Variants in PGK1 observed in about 807,000 individuals in gnomAD.
PGK1 encodes the protein PRP 2.
Under a neutral mutation model 26.9 loss-of-function variants are expected in PGK1, and 3 were observed. That is an observed-to-expected ratio of 0.11 (90% CI 0.05 to 0.29). The LOEUF (loss-of-function observed/expected upper bound fraction) is 0.29. Among genes scored for constraint, PGK1 ranks in the 10% least tolerant of loss-of-function variants. PGK1 has a pLI of 1.00. For missense variants in PGK1, 270 were observed against 314.7 expected (o/e 0.86, Z 1.07); for synonymous variants, 125 against 115.3 (o/e 1.08, Z -0.54).
rs782775105 is a variant in PGK1, at chrX:78,127,537, G to A, written c.*1707G>A. On this transcript the variant is annotated 3_prime_UTR_variant, in exon 11 of 11. Coordinates refer to ENST00000373316, the MANE Select transcript of PGK1 (RefSeq NM_000291.4). ...ACTTTTGGACAGGACCACAGAGCTA[G>A]TAAGTAACAGCAGGGATTCAAGTCC... 2 of 111,936 alleles carry A rather than the reference G, an allele frequency of 1.8e-5. No individual in the cohort carries two copies. Among genetic ancestry groups the A allele is most frequent in the African/African-American group, 6.5e-5 (2 of 30,790 alleles). The allele number at this position is 111,936 out of a possible 1,213,427, so 9.2% of individuals were successfully genotyped here.
intron 4 of PGK1, among the ~76,000 whole-genome samples, chrX:78,115,311 T>C (rs993445492): frequency 9.0e-6 from 1 of 111,254 alleles, no homozygotes; most frequent in Non-Finnish European, 1.9e-5. Flanking sequence ...CACTATCTAA[T>C]GGCTTTTAAT....
chrX:78,123,433 T>C, intron 8 of PGK1, 59 bp downstream of exon 8: 1 of 897,512 alleles, frequency 1.1e-6, no homozygotes, highest in Non-Finnish European at 1.6e-6. Flanking sequence ...GTGTCATTTA[T>C]TCATTGATTC....
At chrX:78,120,491 A>G (rs1398952716) in intron 6 of PGK1, among the ~76,000 whole-genome samples, 2 of 109,936 alleles carry the variant, frequency 1.8e-5, no homozygotes, top group African/African-American at 3.3e-5. Context: ...ATCTAGATCT[A>G]TATATAGATT....
intron 4 of PGK1, among the ~76,000 whole-genome samples, chrX:78,115,481 C>T (rs782388173): frequency 9.1e-6 from 1 of 110,380 alleles, no homozygotes; most frequent in African/African-American, 3.3e-5. Flanking sequence ...CATGGTGAAA[C>T]CCTGTTTCTA....
At chrX:78,121,351 T>A (rs1362920738) in intron 6 of PGK1, among the ~76,000 whole-genome samples, 1 of 112,588 alleles carries the variant, frequency 8.9e-6, no homozygotes, top group Non-Finnish European at 1.9e-5. Context: ...TAAGCTATTC[T>A]TTAGAAGAAA....
chrX:78,106,087 G>A (rs1394715089), intron 1 of PGK1, among the ~76,000 whole-genome samples: 5 of 111,798 alleles, frequency 4.5e-5, no homozygotes, highest in Non-Finnish European at 9.4e-5. Flanking sequence ...AGGGAAACTG[G>A]CTTGAGGAAG....
rs1280758488 is a variant in PGK1, at chrX:78,114,247, TTTAAC to T, written c.417+91_417+95del. ...TGAAGAATAGAGAAAGCTCATTTAT[TTTAAC>T]TTAGACACCTTTTATTGAAGCATAC... On this transcript the variant is annotated intron_variant, in intron 4 of 10. Coordinates refer to ENST00000373316, the MANE Select transcript of PGK1 (RefSeq NM_000291.4). 8 of 952,353 alleles carry T rather than the reference TTTAAC, an allele frequency of 8.4e-6. No homozygotes were observed. In the Admixed American group the frequency reaches 1.1e-4, roughly 13 times the overall value. The allele number at this position is 952,353 out of a possible 1,213,427, so 78.5% of individuals were successfully genotyped here. A position where few individuals can be genotyped will look rare whatever the true frequency, so the allele number is the denominator to read the frequency against.
Position 78,107,100 on chromosome X carries a change from A to G in PGK1, c.65+2695A>G, listed in dbSNP as rs372240482. Among the ~76,000 whole-genome samples the G allele has an allele frequency of 3.6e-5, 4 of 111,457 alleles. No homozygotes were observed. In the South Asian group the frequency reaches 1.5e-3, roughly 42 times the overall value. ...TGAGATTTCAGGTGATAGAGACTTG[A>G]TATTCTTATTCCAGCTAAATCAGTA... On this transcript the variant is annotated intron_variant, in intron 1 of 10. Transcript: ENST00000373316.
At chrX:78,118,601 T>TAAATAAATAAAC (rs1272522622) in intron 6 of PGK1, among the ~76,000 whole-genome samples, 6 of 109,007 alleles carry the variant, frequency 5.5e-5, no homozygotes, top group African/African-American at 2.0e-4. Flanking sequence ...AATAAATAAA[T>TAAATAAATAAAC]AAACAAACAA....
rs1009700209 is a variant in PGK1, at chrX:78,106,342, G to A, written c.65+1937G>A. On this transcript the variant is annotated intron_variant, in intron 1 of 10. Transcript: ENST00000373316. ...TCGAGACAATGACCAAGGATACGTT[G>A]AAATAGAACTTTCTCCCGTAACCTG... 7 of 686,234 alleles carry A rather than the reference G, an allele frequency of 1.0e-5. No individual in the cohort carries two copies. The African/African-American group carries it at 1.4e-4, about 14-fold the overall frequency. The allele number at this position is 686,234 out of a possible 1,213,427, so 56.6% of individuals were successfully genotyped here. A position where few individuals can be genotyped will look rare whatever the true frequency, so the allele number is the denominator to read the frequency against.
At chrX:78,120,418 ATGTGTG>A (rs781791924) in intron 6 of PGK1, among the ~76,000 whole-genome samples, 2 of 108,645 alleles carry the variant, frequency 1.8e-5, no homozygotes, top group African/African-American at 6.7e-5. Context: ...ATGTGTATAT[ATGTGTG>A]TGTGTGTGTG....
intron 5 of PGK1, 102 bp from the exon 6 acceptor site, chrX:78,117,949 C>A: frequency 1.2e-6 from 1 of 804,194 alleles, no homozygotes; most frequent in Non-Finnish European, 1.9e-6. Flanking sequence ...TGATTTCTTG[C>A]AGTCCAGAAG....
rs1289591111 is a variant in PGK1, at chrX:78,126,337, C to T, written c.*507C>T. 8.1e-6 allele frequency: 1 copy of T among 123,911 alleles called. No individual in the cohort carries two copies. Among genetic ancestry groups the T allele is most frequent in the African/African-American group, 3.2e-5 (1 of 30,827 alleles). 10.2% of individuals were successfully genotyped at this position (123,911 alleles called of 1,213,427 possible). On this transcript the variant is annotated 3_prime_UTR_variant, in exon 11 of 11. Coordinates refer to ENST00000373316, the MANE Select transcript of PGK1 (RefSeq NM_000291.4). ...GAGAATAGAATCTTGAGGAACGGAT[C>T]AGATGTCTATATTGCTGAATGCAAG...
intron 2 of PGK1, 85 bp from the exon 3 acceptor site, chrX:78,113,659 A>G (rs997189289): frequency 1.2e-5 from 10 of 853,675 alleles, no homozygotes; most frequent in South Asian, 4.2e-5. Context: ...AAGGAGCTTT[A>G]TGCTTTATGA....
intron 4 of PGK1, among the ~76,000 whole-genome samples, chrX:78,114,816 C>T (rs1557247305): frequency 8.9e-6 from 1 of 112,663 alleles, no homozygotes. Context: ...GATAACTCAC[C>T]AAACAGATTA....
At chrX:78,122,409 T>TTGTGTGTGTGTGTGTGTGTGTGTGTG (rs201442984) in intron 6 of PGK1, among the ~76,000 whole-genome samples, 1 of 88,949 alleles carries the variant, frequency 1.1e-5, no homozygotes, top group Non-Finnish European at 2.2e-5. Flanking sequence ...TGCTCTGAAT[T>TTGTGTGTGTGTGTGTGTGTGTGTGTG]TGTGTGTGTG....
rs201833700 is a variant in PGK1 at position 78,113,770 on chromosome X, A to G, written c.143A>G (p.Lys48Arg). The G allele has an allele frequency of 4.2e-5, 51 of 1,207,806 alleles. No individual in the cohort carries two copies. The highest frequency in any genetic ancestry group is 4.5e-6 in the Non-Finnish European group (4 of 893,573). ...ATTAAGGCTGCTGTCCCAAGCATCA[A>G]ATTCTGCTTGGACAATGGAGCCAAG... ...QRIKAAVPSI[K>R]FCLDNGAKSV... The change falls in exon 3 of 11, where the codon AAA (lysine) becomes AGA (arginine). Residue 48 changes from lysine to arginine, a missense_variant. Coordinates refer to ENST00000373316, the MANE Select transcript of PGK1 (RefSeq NM_000291.4).
chrX:78,104,834 G>C (rs1422266629), intron 1 of PGK1, among the ~76,000 whole-genome samples: 2 of 111,490 alleles, frequency 1.8e-5, no homozygotes, highest in Non-Finnish European at 3.8e-5. Flanking sequence ...AATGAGAAAC[G>C]GCCCACATCT....
At chrX:78,121,130 A>T (rs1354827221) in intron 6 of PGK1, among the ~76,000 whole-genome samples, 1 of 112,042 alleles carries the variant, frequency 8.9e-6, no homozygotes, top group Non-Finnish European at 1.9e-5. Context: ...ATACCTAACA[A>T]ATTTAGCAGT....
Sources: gnomAD v4.1 joint callset for allele counts (sites outside exome capture counted in the v4.1 genomes callset) on GRCh38, gnomAD v4.1.1 for gene constraint, MANE v1.5 for transcripts, NCBI Gene and HGNC (gene_info 2026-07-23, HGNC 2026-07-21) for gene names.